MTUS2: variants seen among roughly 807,000 people sequenced by gnomAD.
MTUS2 encodes microtubule associated scaffold protein 2.
In MTUS2, 40 loss-of-function variants were observed where a neutral mutation model predicts 114.1. The observed-to-expected ratio is 0.35, with a 90% CI of 0.27 to 0.46. The LOEUF is 0.46. Among genes scored for constraint, MTUS2 ranks in the 20% least tolerant of loss-of-function variants. MTUS2 has a pLI of 1.00. For synonymous variants in MTUS2, 688 were observed against 672.0 expected (o/e 1.02, Z -0.37); for missense variants, 1,679 against 1,705.4 (o/e 0.98, Z 0.27).
chr13:29,497,494 C>T, intron 13 of MTUS2, 158 bp downstream of exon 13: 1 of 637,960 alleles, frequency 1.6e-6, no homozygotes, highest in Non-Finnish European at 2.8e-6. Flanking sequence ...TAAACAATTC[C>T]TGTCAGCAGC....
chr13:29,488,050 A>C, intron 11 of MTUS2, 45 bp downstream of exon 11: 5 of 1,454,252 alleles, frequency 3.4e-6, no homozygotes, highest in Non-Finnish European at 4.8e-6. Context: ...GGGTGGTGCA[A>C]TCCGAGCCTT....
chr13:29,442,186 G>A (rs71434727), intron 9 of MTUS2, among the ~76,000 whole-genome samples: 1 of 152,194 alleles, frequency 6.6e-6, no homozygotes, highest in South Asian at 2.1e-4. Context: ...GGGCAGCTCA[G>A]AGGCCTAGGG....
chr13:29,154,603 G>C (rs1296551286), intron 5 of MTUS2, among the ~76,000 whole-genome samples: 1 of 152,218 alleles, frequency 6.6e-6, no homozygotes, highest in Non-Finnish European at 1.5e-5. Flanking sequence ...AAAAGCCAAA[G>C]TGTTGGGACA....
chr13:29,438,968 A>G (rs1035251437), intron 8 of MTUS2, among the ~76,000 whole-genome samples: 2 of 152,168 alleles, frequency 1.3e-5, no homozygotes, highest in African/African-American at 2.4e-5. Flanking sequence ...CACATTCCAC[A>G]CACGTCCTTC....
At chr13:28,869,157 G>A (rs551872053) in intron 2 of MTUS2, among the ~76,000 whole-genome samples, 149 of 152,272 alleles carry the variant, frequency 9.8e-4, no homozygotes, top group South Asian at 3.7e-3. Flanking sequence ...AGAGTTCTTT[G>A]AAATCTTGAC....
At chr13:28,842,016 C>A (rs551382379) in intron 2 of MTUS2, among the ~76,000 whole-genome samples, 1 of 152,168 alleles carries the variant, frequency 6.6e-6, no homozygotes, top group Non-Finnish European at 1.5e-5. Context: ...TCATTTACCC[C>A]CTTCTCCCCC....
chr13:29,318,006 G>A (rs1110116), intron 6 of MTUS2, among the ~76,000 whole-genome samples: 78,859 of 151,946 alleles, frequency 0.52, 22,270 homozygotes, highest in Middle Eastern at 0.67. Flanking sequence ...GCTTTGCTCC[G>A]TCTGCGTCTG....
At chr13:29,021,411 A>G (rs1886286403) in intron 2 of MTUS2, among the ~76,000 whole-genome samples, 2 of 152,272 alleles carry the variant, frequency 1.3e-5, no homozygotes, top group African/African-American at 4.8e-5. Context: ...CTTAAAAATT[A>G]AAATACAACT....
intron 8 of MTUS2, among the ~76,000 whole-genome samples, chr13:29,365,115 A>G (rs1015561113): frequency 5.3e-5 from 8 of 152,348 alleles, no homozygotes; most frequent in East Asian, 1.9e-4. Context: ...TAAAAGAACC[A>G]TGAGCGTCTG....
At chr13:29,165,984 G>C (rs1346590260) in intron 5 of MTUS2, among the ~76,000 whole-genome samples, 1 of 152,176 alleles carries the variant, frequency 6.6e-6, no homozygotes, top group African/African-American at 2.4e-5. Flanking sequence ...GCTGGAGGAA[G>C]GTGAGTGTGG....
chr13:29,316,481 C>G (rs1899993908), intron 6 of MTUS2, among the ~76,000 whole-genome samples: 1 of 152,184 alleles, frequency 6.6e-6, no homozygotes. Flanking sequence ...TAGTCACCGC[C>G]TTCCTGCCCT....
chr13:29,315,353 T>TG (rs1184679614), intron 6 of MTUS2, among the ~76,000 whole-genome samples: 1 of 152,236 alleles, frequency 6.6e-6, no homozygotes, highest in Non-Finnish European at 1.5e-5. Flanking sequence ...GATCTATGTG[T>TG]GAGGTGATGG....
chr13:29,124,453 A>G (rs1195939556), intron 5 of MTUS2, among the ~76,000 whole-genome samples: 3 of 152,154 alleles, frequency 2.0e-5, no homozygotes, highest in African/African-American at 7.2e-5. Flanking sequence ...TGAGGATGTG[A>G]AGACATTGGA....
chr13:28,879,586 T>A (rs1301713055), intron 2 of MTUS2, among the ~76,000 whole-genome samples: 3 of 152,322 alleles, frequency 2.0e-5, no homozygotes, highest in South Asian at 2.1e-4. Flanking sequence ...TCTCCTTGTT[T>A]GAAAATATTC....
chr13:29,124,740 C>T (rs754067376), intron 5 of MTUS2, among the ~76,000 whole-genome samples: 3 of 152,142 alleles, frequency 2.0e-5, no homozygotes, highest in Non-Finnish European at 4.4e-5. Flanking sequence ...TAGCAGAAGA[C>T]AATTCAGCCT....
At chr13:28,985,511 A>G (rs1330550101) in intron 2 of MTUS2, among the ~76,000 whole-genome samples, 2 of 151,582 alleles carry the variant, frequency 1.3e-5, no homozygotes, top group Admixed American at 1.3e-4. Context: ...TTTTATCAAA[A>G]TTTGTTCCTT....
chr13:29,223,004 G>A (rs1577475), intron 5 of MTUS2, among the ~76,000 whole-genome samples: 121,621 of 152,162 alleles, frequency 0.8, 48,660 homozygotes, highest in East Asian at 0.89. Context: ...GGCTCAGTGT[G>A]GGCCCACAGA....
In MTUS2 at chr13:29,025,692, C is replaced by T. The variant is rs182740; in HGVS notation, c.994C>T (p.Leu332=). 6,027 of 1,613,980 alleles carry T rather than the reference C, an allele frequency of 3.7e-3. 193 individuals carry two copies. The African/African-American group carries it at 0.068, about 18-fold the overall frequency. ...GGGAAAGGCAGCCCAGGAAGGGTAT[C>T]TGGGATGCCACAAGGAAGAGAATCT... ...QEGKAAQEGY[L]GCHKEENLSA... Residue 332 remains leucine (L), a synonymous_variant, in exon 3 of 16, where the codon CTG becomes TTG. Transcript: ENST00000612955.
intron 5 of MTUS2, among the ~76,000 whole-genome samples, chr13:29,257,010 C>G (rs1028743540): frequency 6.6e-6 from 1 of 152,186 alleles, no homozygotes; most frequent in Admixed American, 6.5e-5. Context: ...CCTCGGTATT[C>G]TTTACTATAT....
Sources: allele counts gnomAD v4.1 joint callset (sites outside exome capture counted in the v4.1 genomes callset), GRCh38; gene constraint gnomAD v4.1.1; transcripts MANE v1.5; gene names NCBI Gene and HGNC (gene_info 2026-07-23, HGNC 2026-07-21).